LRRTM4: variants seen among roughly 807,000 people sequenced by gnomAD.
LRRTM4 encodes leucine-rich repeat transmembrane neuronal protein 4.
LRRTM4 carries 25 observed loss-of-function variants against 47.6 expected under a neutral mutation model. The ratio of observed to expected loss-of-function variants is 0.53; its 90% CI spans 0.38 to 0.73. LRRTM4 has a LOEUF of 0.73. LRRTM4 is among the 30% of genes least tolerant of loss of function. The pLI is 0.00. For synonymous variants in LRRTM4, 311 were observed against 269.5 expected (o/e 1.15, Z -1.51); for missense variants, 638 against 713.4 (o/e 0.89, Z 1.20).
At chr2:77,153,764 T>G (rs1419786345) in intron 3 of LRRTM4, among the ~76,000 whole-genome samples, 2 of 152,172 alleles carry the variant, frequency 1.3e-5, no homozygotes, top group Non-Finnish European at 2.9e-5. Flanking sequence ...TGTCAACTCA[T>G]ATATATACAT....
intron 3 of LRRTM4, among the ~76,000 whole-genome samples, chr2:77,421,639 G>A (rs1469409643): frequency 2.0e-5 from 3 of 151,308 alleles, no homozygotes; most frequent in East Asian, 2.0e-4. Flanking sequence ...CCCGGGAGGC[G>A]GAGCTTGCAG....
chr2:76,975,266 CAG>C (rs1434694633), intron 3 of LRRTM4, among the ~76,000 whole-genome samples: 2 of 151,662 alleles, frequency 1.3e-5, no homozygotes, highest in African/African-American at 2.4e-5. Context: ...TGATGAGAAA[CAG>C]GGCATCTTAC....
intron 3 of LRRTM4, among the ~76,000 whole-genome samples, chr2:77,135,202 T>A (rs1327701505): frequency 6.6e-6 from 1 of 152,194 alleles, no homozygotes; most frequent in Non-Finnish European, 1.5e-5. Context: ...GATGTGAGGC[T>A]TACATCACTA....
At chr2:77,337,124 A>T (rs2104266147) in intron 3 of LRRTM4, among the ~76,000 whole-genome samples, 1 of 152,244 alleles carries the variant, frequency 6.6e-6, no homozygotes, top group Non-Finnish European at 1.5e-5. Flanking sequence ...TTTACAACAG[A>T]CACAAAAATA....
At chr2:77,020,992 T>A (rs1456239999) in intron 3 of LRRTM4, among the ~76,000 whole-genome samples, 2 of 152,180 alleles carry the variant, frequency 1.3e-5, no homozygotes, top group African/African-American at 4.8e-5. Flanking sequence ...TGTCTCACCA[T>A]TATATGCTTG....
At chr2:77,243,144 G>A (rs1444322936) in intron 3 of LRRTM4, among the ~76,000 whole-genome samples, 2 of 152,162 alleles carry the variant, frequency 1.3e-5, no homozygotes, top group South Asian at 2.1e-4. Flanking sequence ...CAGGCACGGT[G>A]GCTCACGCCT....
At chr2:76,905,683 G>T (rs1673807594) in intron 3 of LRRTM4, among the ~76,000 whole-genome samples, 1 of 145,156 alleles carries the variant, frequency 6.9e-6, no homozygotes, top group Admixed American at 7.2e-5. Context: ...CAAGGCTCCA[G>T]AACTACGTGA....
chr2:77,397,190 T>C (rs750268959), intron 3 of LRRTM4, among the ~76,000 whole-genome samples: 50 of 152,048 alleles, frequency 3.3e-4, no homozygotes, highest in Admixed American at 5.9e-4. Context: ...ATATTTCTAT[T>C]TGCATAATAG....
At chr2:77,006,837 A>G (rs1677670029) in intron 3 of LRRTM4, among the ~76,000 whole-genome samples, 1 of 152,174 alleles carries the variant, frequency 6.6e-6, no homozygotes, top group Non-Finnish European at 1.5e-5. Flanking sequence ...GTTGAACACC[A>G]AGAGTAGAGG....
intron 3 of LRRTM4, among the ~76,000 whole-genome samples, chr2:77,334,791 CTA>C (rs2104259972): frequency 6.6e-6 from 1 of 152,290 alleles, no homozygotes; most frequent in East Asian, 1.9e-4. Context: ...CGGAGATGAA[CTA>C]TGTTTTAGTC....
At chr2:77,385,069 ACT>A (rs1673210818) in intron 3 of LRRTM4, among the ~76,000 whole-genome samples, 1 of 152,148 alleles carries the variant, frequency 6.6e-6, no homozygotes, top group African/African-American at 2.4e-5. Flanking sequence ...GAATGAAAAC[ACT>A]GTTAGAAAGG....
chr2:77,126,254 AAAT>A (rs2103965578), intron 3 of LRRTM4, among the ~76,000 whole-genome samples: 1 of 152,256 alleles, frequency 6.6e-6, no homozygotes, highest in South Asian at 2.1e-4. Flanking sequence ...AATACATTAT[AAAT>A]AATATTCTAA....
At chr2:76,957,804 G>C (rs1351562468) in intron 3 of LRRTM4, among the ~76,000 whole-genome samples, 1 of 151,504 alleles carries the variant, frequency 6.6e-6, no homozygotes, top group African/African-American at 2.4e-5. Context: ...ACACTCACAT[G>C]GTTTTGACAC....
chr2:77,073,721 C>T (rs1219521918), intron 3 of LRRTM4, among the ~76,000 whole-genome samples: 1 of 150,332 alleles, frequency 6.7e-6, no homozygotes, highest in East Asian at 2.0e-4. Flanking sequence ...TTGCAGAAAA[C>T]TCTCATTTCC....
At chr2:76,957,666 T>C (rs1353384911) in intron 3 of LRRTM4, among the ~76,000 whole-genome samples, 1 of 151,706 alleles carries the variant, frequency 6.6e-6, no homozygotes, top group Admixed American at 6.6e-5. Context: ...CAAATGGATT[T>C]AATAGTACCT....
intron 3 of LRRTM4, among the ~76,000 whole-genome samples, chr2:77,303,249 G>T (rs1352739717): frequency 6.6e-6 from 1 of 151,430 alleles, no homozygotes; most frequent in Non-Finnish European, 1.5e-5. Context: ...CAACAAGAGC[G>T]AAACTCCATC....
intron 3 of LRRTM4, among the ~76,000 whole-genome samples, chr2:77,013,880 T>C (rs114794888): frequency 0.012 from 1,884 of 152,284 alleles, 40 homozygotes; most frequent in African/African-American, 0.043. Flanking sequence ...ACTGGACAGG[T>C]TACCTAATTT....
chr2:76,948,102 G>C (rs547746049), intron 3 of LRRTM4, among the ~76,000 whole-genome samples: 7 of 151,820 alleles, frequency 4.6e-5, no homozygotes, highest in Admixed American at 2.0e-4. Flanking sequence ...AAATAGTATC[G>C]TATCTACGAG....
chr2:77,345,509 T>C (rs1486612571), intron 3 of LRRTM4, among the ~76,000 whole-genome samples: 2 of 151,906 alleles, frequency 1.3e-5, no homozygotes, highest in Admixed American at 6.6e-5. Context: ...AGACAACTCA[T>C]TGAAGGAGAT....
Sources: allele counts gnomAD v4.1 joint callset (sites outside exome capture counted in the v4.1 genomes callset), GRCh38; gene constraint gnomAD v4.1.1; transcripts MANE v1.5; gene names NCBI Gene and HGNC (gene_info 2026-07-23, HGNC 2026-07-21).